The following IGSF10 variants were observed in gnomAD, a reference collection of about 807,000 sequenced individuals.
The protein encoded by IGSF10 is calvaria mechanical force protein 608.
IGSF10 carries 126 observed loss-of-function variants against 128.2 expected under a neutral mutation model. That is an observed-to-expected ratio of 0.98 (90% CI 0.85 to 1.14). IGSF10 has a LOEUF of 1.14. Ranked by LOEUF, IGSF10 falls within the 50% of genes most tolerant of loss-of-function variation. The pLI is 0.00. For synonymous variants in IGSF10, 1,185 were observed against 1,146.2 expected, an observed-to-expected ratio of 1.03 and a Z score of -0.68; for missense variants, 3,295 against 3,149.8, an observed-to-expected ratio of 1.05 and a Z score of -1.10.
chr3:151,491,652 A>C, the IGSF10 span, among the ~76,000 whole-genome samples: 21 of 152,314 alleles, frequency 1.4e-4, no homozygotes, highest in African/African-American at 4.8e-4. Flanking sequence ...AGATTGAGTA[A>C]GTAATAAAAC....
Position 151,448,484 on chromosome 3 carries a change from G to A in IGSF10, c.1497C>T (p.Gly499=). 1 of 1,614,148 alleles carries A rather than the reference G, an allele frequency of 6.2e-7. No homozygotes were observed. The highest frequency in any genetic ancestry group is 8.5e-7 in the Non-Finnish European group (1 of 1,180,032). ...VGGTVGLNCP[G]QGDPTPHVDW... Reference sequence around the variant, plus strand: ...CCACGTGTGGGGTGGGGTCTCCTTGGCCTGGGCAGTTCAGGCCAACGGTTC... The same window carrying A: ...CCACGTGTGGGGTGGGGTCTCCTTGACCTGGGCAGTTCAGGCCAACGGTTC... The change falls in exon 6 of 8, where the codon GGC becomes GGT. Residue 499 remains glycine (G), a synonymous_variant. Transcript: ENST00000282466.
intron 7 of IGSF10, chr3:151,440,883 C>T (rs1007615692): frequency 2.6e-5 from 6 of 227,480 alleles, no homozygotes; most frequent in Non-Finnish European, 5.6e-5. Flanking sequence ...TTACATGGGT[C>T]GAGTTTAAGA....
the IGSF10 span, among the ~76,000 whole-genome samples, chr3:151,492,180 A>AT: frequency 1.3e-5 from 2 of 152,146 alleles, no homozygotes; most frequent in African/African-American, 4.8e-5. Context: ...AAATAACACG[A>AT]TTTTTTTAAA....
Position 151,448,062 on chromosome 3 carries a change from TG to T in IGSF10, c.1918del (p.Gln640LysfsTer17). 1.2e-6 allele frequency: 2 copies of T among 1,614,220 alleles called. No individual in the cohort carries two copies. The highest frequency in any genetic ancestry group is 1.7e-6 in the Non-Finnish European group (2 of 1,180,040). ...LRILQVTPKDQGYYRCVAANP... is the reference protein window; with the variant it reads ...LRILQVTPKDXGYYRCVAANP... ...GGCTGCCACACAGCGATAATAACCT[TG>T]GTCTTTCGGGGTGACCTGTAATATT... On this transcript the variant is annotated frameshift_variant, in exon 6 of 8. Transcript: ENST00000282466. LOFTEE classifies it high-confidence loss of function.
the IGSF10 span, among the ~76,000 whole-genome samples, chr3:151,554,456 T>C: frequency 6.6e-6 from 1 of 150,956 alleles, no homozygotes; most frequent in Non-Finnish European, 1.5e-5. Context: ...TTTCAATTTT[T>C]GCCAAAGCGA....
At chr3:151,546,677 A>T in the IGSF10 span, among the ~76,000 whole-genome samples, 1 of 152,156 alleles carries the variant, frequency 6.6e-6, no homozygotes, top group African/African-American at 2.4e-5. Flanking sequence ...AATTGCTTGT[A>T]CAAGCCTGAT....
At chr3:151,596,503 G>A in the IGSF10 span, among the ~76,000 whole-genome samples, 1 of 152,004 alleles carries the variant, frequency 6.6e-6, no homozygotes, top group Non-Finnish European at 1.5e-5. Context: ...TGTGTATTGT[G>A]TATGTGTTTT....
intron 5 of IGSF10, among the ~76,000 whole-genome samples, chr3:151,450,334 G>A (rs772418154): frequency 1.3e-4 from 20 of 152,136 alleles, no homozygotes; most frequent in Non-Finnish European, 2.8e-4. Flanking sequence ...ACTGGACATG[G>A]CACTTAACAA....
the IGSF10 span, among the ~76,000 whole-genome samples, chr3:151,489,017 TATC>T: frequency 6.6e-6 from 1 of 152,150 alleles, no homozygotes; most frequent in Admixed American, 6.5e-5. Context: ...CAAAAGAAAC[TATC>T]ATCAGAATGA....
At chr3:151,508,905 C>T in the IGSF10 span, among the ~76,000 whole-genome samples, 1 of 152,128 alleles carries the variant, frequency 6.6e-6, no homozygotes, top group Non-Finnish European at 1.5e-5. Flanking sequence ...TGAGTTTATG[C>T]TATCAATTAT....
the IGSF10 span, among the ~76,000 whole-genome samples, chr3:151,562,483 A>G: frequency 6.6e-6 from 1 of 152,114 alleles, no homozygotes; most frequent in Admixed American, 6.6e-5. Context: ...ACAAGATCCA[A>G]GAACCCTCTC....
the IGSF10 span, among the ~76,000 whole-genome samples, chr3:151,563,031 CATATGTTCTTCATAGAGAAGG>C: frequency 6.6e-6 from 1 of 152,108 alleles, no homozygotes; most frequent in African/African-American, 2.4e-5. Flanking sequence ...GCCAGGGATT[CATATGTTCTTCATAGAGAAGG>C]AGTGAATCTC....
the IGSF10 span, among the ~76,000 whole-genome samples, chr3:151,618,584 G>A: frequency 4.0e-5 from 6 of 151,820 alleles, no homozygotes; most frequent in Middle Eastern, 3.4e-3. Context: ...CAAAAAATTA[G>A]CCGGGCGTGG....
the IGSF10 span, among the ~76,000 whole-genome samples, chr3:151,489,797 A>T: frequency 6.6e-6 from 1 of 152,106 alleles, no homozygotes; most frequent in South Asian, 2.1e-4. Context: ...CAGGGAGGGG[A>T]ACATCACATA....
downstream of IGSF10, chr3:151,435,246 A>G (rs1260561260): frequency 2.5e-5 from 1 of 40,152 alleles, no homozygotes; most frequent in African/African-American, 1.5e-4. Context: ...GGAGTCAGCT[A>G]TACCTATCAA....
At chr3:151,531,920 A>T in the IGSF10 span, among the ~76,000 whole-genome samples, 1 of 152,116 alleles carries the variant, frequency 6.6e-6, no homozygotes, top group Non-Finnish European at 1.5e-5. Context: ...AAGATCAACA[A>T]AATAGACCGC....
chr3:151,448,248 T>C lies in IGSF10; in HGVS notation c.1733A>G (p.Glu578Gly), dbSNP rs1721318457. The change falls in exon 6 of 8, where the codon GAA (glutamate) becomes GGA (glycine). Residue 578 changes from glutamate to glycine, a missense_variant. Glu to Gly is a moderately conservative substitution (Grantham distance 98). Transcript: ENST00000282466. ...GAAAACTGTGTGATGAATCCCATTT[T>C]CCTGATAGGCTTCGACCAAAGGTTC... Reference protein sequence around the residue: ...VVEPLVEAYQENGIHHTVFIG... With the variant: ...VVEPLVEAYQGNGIHHTVFIG... 1 of 1,614,226 alleles carries C rather than the reference T, an allele frequency of 6.2e-7. No individual in the cohort carries two copies. Among genetic ancestry groups the C allele is most frequent in the Non-Finnish European group, 8.5e-7 (1 of 1,180,028 alleles).
chr3:151,521,250 T>C, the IGSF10 span, among the ~76,000 whole-genome samples: 14 of 152,068 alleles, frequency 9.2e-5, no homozygotes, highest in African/African-American at 2.9e-4. Context: ...CAGAGAGACA[T>C]AGACTCCCAT....
At chr3:151,526,831 C>G in the IGSF10 span, among the ~76,000 whole-genome samples, 2 of 152,136 alleles carry the variant, frequency 1.3e-5, no homozygotes, top group Non-Finnish European at 2.9e-5. Context: ...GGAAGCCTTT[C>G]TTTCCACCCT....
Sources: gnomAD v4.1 joint callset for allele counts (sites outside exome capture counted in the v4.1 genomes callset) on GRCh38, gnomAD v4.1.1 for gene constraint, MANE v1.5 for transcripts, NCBI Gene and HGNC (gene_info 2026-07-23, HGNC 2026-07-21) for gene names.